Variants in NSUN4 observed in about 807,000 individuals in gnomAD.
The protein encoded by NSUN4 is 5-cytosine rRNA methyltransferase NSUN4.
A neutral mutation model predicts 43.8 loss-of-function variants in NSUN4; 31 were observed. The ratio of observed to expected loss-of-function variants is 0.71; its 90% confidence interval spans 0.53 to 0.96. The LOEUF is 0.96. Ranked by LOEUF, NSUN4 falls within the 40% of genes least tolerant of loss-of-function variation. The probability of loss-of-function intolerance (pLI) is 0.00; values close to 1 mark genes in which losing one functional copy is unlikely to be tolerated. For missense variants in NSUN4, 439 were observed against 475.6 expected (o/e 0.92, Z 0.72); for synonymous variants, 167 against 184.1 (o/e 0.91, Z 0.75).
intron 2 of NSUN4, 44 bp downstream of exon 2, chr1:46,345,188 G>A (rs1397786269): frequency 7.1e-7 from 1 of 1,408,324 alleles, no homozygotes; most frequent in Non-Finnish European, 9.8e-7. Flanking sequence ...AGTGTCTGCT[G>A]GAAGTAGACA....
the NSUN4 span, among the ~76,000 whole-genome samples, chr1:46,372,389 C>T: frequency 1.3e-5 from 2 of 152,222 alleles, no homozygotes; most frequent in South Asian, 4.1e-4. Flanking sequence ...GTGATCCACA[C>T]GTCTTGGCCT....
chr1:46,376,276 G>A, the NSUN4 span, among the ~76,000 whole-genome samples: 1 of 151,694 alleles, frequency 6.6e-6, no homozygotes, highest in Non-Finnish European at 1.5e-5. Context: ...GGGTGTAGTG[G>A]TGGGGCACCT....
the NSUN4 span, among the ~76,000 whole-genome samples, chr1:46,374,901 A>C: frequency 2.0e-5 from 3 of 152,048 alleles, no homozygotes; most frequent in Non-Finnish European, 4.4e-5. Flanking sequence ...AAAAAAAAAA[A>C]AGAATAGATT....
intron 3 of NSUN4, among the ~76,000 whole-genome samples, chr1:46,349,482 G>A (rs5013330): frequency 0.22 from 34,137 of 152,176 alleles, 4,301 homozygotes; most frequent in Non-Finnish European, 0.29. Context: ...TCCACTGGCC[G>A]ATATCCTGCC....
chr1:46,360,598 GA>G, intron 4 of NSUN4, 105 bp from the exon 5 acceptor site: 3 of 1,166,852 alleles, frequency 2.6e-6, no homozygotes, highest in Non-Finnish European at 3.7e-6. Context: ...GGGATGGGCA[GA>G]GGGAATATTT....
chr1:46,366,857 T>A (rs1664148647), downstream of NSUN4, among the ~76,000 whole-genome samples: 1 of 152,126 alleles, frequency 6.6e-6, no homozygotes, highest in African/African-American at 2.4e-5. Flanking sequence ...CCTCTTTCCT[T>A]GTGATTTGCA....
intron 4 of NSUN4, among the ~76,000 whole-genome samples, chr1:46,359,766 G>A (rs894094298): frequency 1.3e-5 from 2 of 151,920 alleles, no homozygotes; most frequent in Admixed American, 1.3e-4. Context: ...CACCACGCCC[G>A]GCTAATTAAA....
At position 46,356,604 on chromosome 1, in the gene NSUN4, A is replaced by C. The variant is rs186373087; in HGVS notation, c.753+3576A>C. 4.0e-3 allele frequency among the ~76,000 whole-genome samples: 615 copies of C among 152,184 alleles called. 1 individual carries two copies. The highest frequency in any genetic ancestry group is 6.9e-3 in the Non-Finnish European group (467 of 67,994). On this transcript the variant is annotated intron_variant, in intron 4 of 5. Coordinates refer to ENST00000474844, the MANE Select transcript of NSUN4 (RefSeq NM_199044.4). ...CTACTCGGGAGGCTGAGGCAGGAGA[A>C]TGGCGTAAACCCTGTGGGGCAGAGC...
intron 1 of NSUN4, chr1:46,341,878 A>G (rs1016132774): frequency 3.2e-6 from 4 of 1,232,726 alleles, no homozygotes; most frequent in Admixed American, 8.4e-5. Flanking sequence ...ACGTACTGTG[A>G]CCAGCACACT....
At chr1:46,350,331 G>A (rs61784604) in intron 3 of NSUN4, among the ~76,000 whole-genome samples, 14,726 of 152,092 alleles carry the variant, frequency 0.097, 951 homozygotes, top group East Asian at 0.31. Context: ...CCAGGAGTTC[G>A]AGACTAGCCT....
the NSUN4 span, among the ~76,000 whole-genome samples, chr1:46,383,183 A>AT: frequency 5.9e-5 from 9 of 152,228 alleles, no homozygotes; most frequent in Admixed American, 5.9e-4. Context: ...TAATGGGTGG[A>AT]TTGGGCCATG....
At chr1:46,341,058 CT>C in intron 1 of NSUN4, 139 bp downstream of exon 1, 1 of 1,133,540 alleles carries the variant, frequency 8.8e-7, no homozygotes, top group Non-Finnish European at 1.2e-6. Flanking sequence ...CCTCTCTCGT[CT>C]TTTCCGTCAC....
chr1:46,346,434 C>T (rs1309925184), intron 2 of NSUN4, among the ~76,000 whole-genome samples: 6 of 151,832 alleles, frequency 4.0e-5, no homozygotes, highest in Non-Finnish European at 8.8e-5. Flanking sequence ...AGCCTGTAAT[C>T]CCAGCTACTT....
chr1:46,345,182 T>C, intron 2 of NSUN4, 38 bp downstream of exon 2: 2 of 1,487,000 alleles, frequency 1.3e-6, no homozygotes, highest in Admixed American at 1.8e-5. Flanking sequence ...GTCCTGAGTG[T>C]CTGCTGGAAG....
At chr1:46,373,194 T>C in the NSUN4 span, among the ~76,000 whole-genome samples, 5 of 152,206 alleles carry the variant, frequency 3.3e-5, no homozygotes, top group Admixed American at 6.5e-5. Flanking sequence ...TTTTGTCTTC[T>C]GATCCTTCAC....
chr1:46,341,258 C>T (rs1201470989), intron 1 of NSUN4: 2 of 979,680 alleles, frequency 2.0e-6, no homozygotes, highest in East Asian at 7.8e-5. Context: ...TCCCTCCCTC[C>T]CCTCCCCCTT....
At chr1:46,381,024 CAGAG>C in the NSUN4 span, among the ~76,000 whole-genome samples, 5 of 152,086 alleles carry the variant, frequency 3.3e-5, no homozygotes, top group Non-Finnish European at 7.3e-5. Context: ...AATGGGGACA[CAGAG>C]AGTCACACAA....
chr1:46,347,978 C>A (rs1284746895), intron 3 of NSUN4, among the ~76,000 whole-genome samples: 1 of 151,658 alleles, frequency 6.6e-6, no homozygotes, highest in African/African-American at 2.4e-5. Flanking sequence ...CCTGGGTTCA[C>A]GCCATTCTCC....
intron 4 of NSUN4, among the ~76,000 whole-genome samples, chr1:46,353,839 C>T (rs1569756256): frequency 6.6e-6 from 1 of 151,890 alleles, no homozygotes; most frequent in East Asian, 1.9e-4. Flanking sequence ...ATAATGTGTC[C>T]TGGGGTTAAA....
Sources: allele counts gnomAD v4.1 joint callset (sites outside exome capture counted in the v4.1 genomes callset), GRCh38; gene constraint gnomAD v4.1.1; transcripts MANE v1.5; gene names NCBI Gene and HGNC (gene_info 2026-07-23, HGNC 2026-07-21).